The following FARP1 variants were observed in gnomAD, a reference collection of about 807,000 sequenced individuals.
FARP1 encodes FERM, ARH/RhoGEF and pleckstrin domain protein 1.
A neutral mutation model predicts 128.8 loss-of-function variants in FARP1; 52 were observed. The observed-to-expected ratio is 0.40, with a 90% CI of 0.32 to 0.51. FARP1 has a LOEUF of 0.51. FARP1 is among the 20% of genes least tolerant of loss of function. FARP1 has a pLI of 0.45. For synonymous variants in FARP1, 580 were observed against 551.8 expected, an observed-to-expected ratio of 1.05 and a Z score of -0.72; for missense variants, 1,333 against 1,367.9, an observed-to-expected ratio of 0.97 and a Z score of 0.40.
At chr13:98,360,281 A>G (rs1888817451) in intron 3 of FARP1, among the ~76,000 whole-genome samples, 1 of 152,144 alleles carries the variant, frequency 6.6e-6, no homozygotes, top group Non-Finnish European at 1.5e-5. Context: ...CTTTTAGTAG[A>G]GATGGGCTTT....
At chr13:98,371,558 CT>C (rs35886894) in intron 5 of FARP1, among the ~76,000 whole-genome samples, 1,688 of 149,958 alleles carry the variant, frequency 0.011, 28 homozygotes, top group African/African-American at 0.039. Context: ...GAAATTCCTA[CT>C]TTTTTTTTTA....
At chr13:98,196,813 T>A (rs1458162510) in intron 1 of FARP1, among the ~76,000 whole-genome samples, 1 of 152,244 alleles carries the variant, frequency 6.6e-6, no homozygotes, top group Non-Finnish European at 1.5e-5. Flanking sequence ...AAATGCCTTA[T>A]CAACCAGGCT....
intron 2 of FARP1, among the ~76,000 whole-genome samples, chr13:98,282,959 A>G (rs897193809): frequency 6.6e-6 from 1 of 152,108 alleles, no homozygotes; most frequent in African/African-American, 2.4e-5. Flanking sequence ...CAAATGCTTT[A>G]TTTTTTTTGA....
At chr13:98,279,093 C>T (rs1457557335) in intron 2 of FARP1, among the ~76,000 whole-genome samples, 1 of 152,010 alleles carries the variant, frequency 6.6e-6, no homozygotes, top group Admixed American at 6.6e-5. Flanking sequence ...CCTCGGCCTC[C>T]CAAAGTGCTG....
intron 3 of FARP1, among the ~76,000 whole-genome samples, chr13:98,364,444 C>T (rs567000194): frequency 4.6e-5 from 7 of 152,280 alleles, no homozygotes; most frequent in Non-Finnish European, 1.0e-4. Context: ...TACTCCTGAA[C>T]GTCAACAGTT....
intron 1 of FARP1, among the ~76,000 whole-genome samples, chr13:98,160,790 G>A (rs1242348801): frequency 6.6e-6 from 1 of 152,090 alleles, no homozygotes; most frequent in African/African-American, 2.4e-5. Context: ...AGCCTCCTGA[G>A]TAGCTGGGAT....
chr13:98,184,626 C>G (rs939095252), intron 1 of FARP1, among the ~76,000 whole-genome samples: 1 of 152,136 alleles, frequency 6.6e-6, no homozygotes, highest in Non-Finnish European at 1.5e-5. Context: ...TACCAAAATG[C>G]GATTGCCTGG....
chr13:98,213,655 C>T (rs1880874471), intron 2 of FARP1, among the ~76,000 whole-genome samples: 1 of 152,136 alleles, frequency 6.6e-6, no homozygotes, highest in Non-Finnish European at 1.5e-5. Context: ...TTGAATTTTA[C>T]TATGAACTTT....
intron 2 of FARP1, among the ~76,000 whole-genome samples, chr13:98,269,918 A>G (rs1323029739): frequency 6.6e-6 from 1 of 152,068 alleles, no homozygotes. Flanking sequence ...GGAGTTTGAG[A>G]CGGGCCTGAG....
At position 98,453,617 on chromosome 13, in the gene FARP1, A is replaced by T. The variant is rs142578630; in HGVS notation, c.*5300A>T. ...ATTTTGGCCATAAAAATAGTGATGC[A>T]GTCCAAGAATCTATTTCCTAGAACT... On this transcript the variant is annotated 3_prime_UTR_variant, in exon 27 of 27. Transcript: ENST00000319562. The T allele has an allele frequency of 5.9e-4, 97 of 165,308 alleles. 1 individual carries two copies. Among genetic ancestry groups the T allele is most frequent in the African/African-American group, 2.2e-3 (93 of 41,542 alleles). The allele number at this position is 165,308 out of a possible 1,614,324, so 10.2% of individuals were successfully genotyped here.
rs561775901 is a variant in FARP1 at position 98,453,120 on chromosome 13, G to A, written c.*4803G>A. 14 of 1,601,520 alleles carry A rather than the reference G, an allele frequency of 8.7e-6. No individual in the cohort carries two copies. The African/African-American group carries it at 1.7e-4, about 20-fold the overall frequency. On this transcript the variant is annotated 3_prime_UTR_variant, in exon 27 of 27. Transcript: ENST00000319562. ...GCTCTCGTTGACTTTTAAAAAAGGA[G>A]GAGGATGAAGAAGGAAAAAAGGAAA...
At chr13:98,270,532 C>T (rs1200222582) in intron 2 of FARP1, among the ~76,000 whole-genome samples, 2 of 152,118 alleles carry the variant, frequency 1.3e-5, no homozygotes, top group Admixed American at 1.3e-4. Flanking sequence ...GAATGCTCAT[C>T]CTGAGGACGC....
intron 1 of FARP1, among the ~76,000 whole-genome samples, chr13:98,163,713 C>CTTT (rs11440645): frequency 6.9e-6 from 1 of 143,956 alleles, no homozygotes; most frequent in Non-Finnish European, 1.5e-5. Context: ...ATGGCCTTTT[C>CTTT]TTTTTTTTTT....
chr13:98,223,891 C>T (rs1224794176), intron 2 of FARP1, among the ~76,000 whole-genome samples: 1 of 152,238 alleles, frequency 6.6e-6, no homozygotes, highest in Non-Finnish European at 1.5e-5. Flanking sequence ...TCAAAGGACT[C>T]TGTTCAAAAG....
At chr13:98,254,101 T>G (rs1399459977) in intron 2 of FARP1, among the ~76,000 whole-genome samples, 1 of 152,180 alleles carries the variant, frequency 6.6e-6, no homozygotes. Context: ...ACCTCTGAGT[T>G]TCCGGGCAAA....
rs185013714 is a variant in FARP1 at position 98,273,735 on chromosome 13, T to G, written c.171+60322T>G. Among the ~76,000 whole-genome samples the G allele has an allele frequency of 3.9e-5, 6 of 152,298 alleles. No individual in the cohort carries two copies. In the East Asian group the frequency reaches 1.2e-3, roughly 29 times the overall value. On this transcript the variant is annotated intron_variant, in intron 2 of 26. Transcript: ENST00000319562. Reference sequence around the variant, plus strand: ...GCTCGTGTGAAGCAGCAAATGCTATTTTGTGTGTAGAGAAATAGAAGGTCA... The same window carrying G: ...GCTCGTGTGAAGCAGCAAATGCTATGTTGTGTGTAGAGAAATAGAAGGTCA...
At chr13:98,427,789 C>T (rs186277828) in intron 17 of FARP1, among the ~76,000 whole-genome samples, 7 of 152,334 alleles carry the variant, frequency 4.6e-5, no homozygotes, top group African/African-American at 1.7e-4. Flanking sequence ...GCTGGCATCT[C>T]AGGAGTGTGC....
chr13:98,222,929 C>A (rs1374318056), intron 2 of FARP1, among the ~76,000 whole-genome samples: 1 of 152,000 alleles, frequency 6.6e-6, no homozygotes, highest in African/African-American at 2.4e-5. Flanking sequence ...AGCCACCGTG[C>A]CTGGCCGGAA....
chr13:98,251,278 C>CG (rs567737862), intron 2 of FARP1, among the ~76,000 whole-genome samples: 134 of 152,268 alleles, frequency 8.8e-4, no homozygotes, highest in African/African-American at 2.9e-3. Flanking sequence ...GTGGCTAAGG[C>CG]GGGGCCACAG....
Sources: allele counts gnomAD v4.1 joint callset (sites outside exome capture counted in the v4.1 genomes callset), GRCh38; gene constraint gnomAD v4.1.1; transcripts MANE v1.5; gene names NCBI Gene and HGNC (gene_info 2026-07-23, HGNC 2026-07-21).